PAPPA: variants seen among roughly 807,000 people sequenced by gnomAD.
PAPPA encodes the protein pappalysin 1, also known as pappalysin-1.
PAPPA carries 60 observed loss-of-function variants against 164.0 expected under a neutral mutation model. The ratio of observed to expected loss-of-function variants is 0.37; its 90% CI spans 0.30 to 0.45. The LOEUF (loss-of-function observed/expected upper bound fraction) is 0.45, where lower values mean the gene tolerates loss of function less well. Ranked by LOEUF, PAPPA falls within the 20% of genes least tolerant of loss-of-function variation. The pLI is 1.00. For synonymous variants in PAPPA, 875 were observed against 814.1 expected (o/e 1.07, Z -1.27); for missense variants, 1,782 against 2,087.3 (o/e 0.85, Z 2.85).
chr9:116,363,821 T>C (rs1193341195), intron 18 of PAPPA, among the ~76,000 whole-genome samples: 2 of 152,200 alleles, frequency 1.3e-5, no homozygotes, highest in Non-Finnish European at 2.9e-5. Context: ...TCATGGGGAC[T>C]GTCCATCCTT....
chr9:116,362,596 T>C lies in PAPPA; in HGVS notation c.4352T>C (p.Leu1451Pro), dbSNP rs117752286. The stretch of plus-strand genomic sequence containing the variant: ...CTCTGTTTCTCTGTTGTTCAGGGAC[T>C]TGGGAGCAATGTCATTCATTGCCGG... ...KCEDSDASQGLGSNVIHCRKD... is the reference protein window; with the variant it reads ...KCEDSDASQGPGSNVIHCRKD... Residue 1451 changes from leucine to proline, a missense_variant, in exon 18 of 22, where the codon CTT (leucine) becomes CCT (proline). By Grantham distance (98) the Leu-to-Pro change is moderately conservative. Coordinates refer to ENST00000328252, the MANE Select transcript of PAPPA (RefSeq NM_002581.5). 5,943 of 1,613,494 alleles carry C rather than the reference T, an allele frequency of 3.7e-3. 171 individuals carry two copies. In the South Asian group the frequency reaches 0.044, roughly 12 times the overall value.
In PAPPA at chr9:116,399,357, A is replaced by G. The variant is rs2118749486; in HGVS notation, c.*2741A>G. On this transcript the variant is annotated 3_prime_UTR_variant, in exon 22 of 22. Coordinates refer to ENST00000328252, the MANE Select transcript of PAPPA (RefSeq NM_002581.5). Reference sequence around the variant, plus strand: ...GGTGGCCAACCTCGTGCCCACATGGAAGGTATCTTTAATAGGGTCTTTTCA... The same window carrying G: ...GGTGGCCAACCTCGTGCCCACATGGGAGGTATCTTTAATAGGGTCTTTTCA... 1 of 152,740 alleles carries G rather than the reference A, an allele frequency of 6.5e-6. No homozygotes were observed. Among genetic ancestry groups the G allele is most frequent in the Middle Eastern group, 3.4e-3 (1 of 294 alleles). 9.5% of individuals were successfully genotyped at this position (152,740 alleles called of 1,614,324 possible).
intron 1 of PAPPA, among the ~76,000 whole-genome samples, chr9:116,168,902 ACCATT>A (rs560080331): frequency 4.6e-5 from 7 of 151,996 alleles, no homozygotes; most frequent in Non-Finnish European, 1.0e-4. Context: ...TGGAGCAGAG[ACCATT>A]TTGGTCTTCA....
intron 15 of PAPPA, among the ~76,000 whole-genome samples, chr9:116,348,320 T>C (rs1021373288): frequency 4.6e-5 from 7 of 151,718 alleles, no homozygotes; most frequent in African/African-American, 1.5e-4. Context: ...GCTGCCTTTC[T>C]CTTGAACTTG....
chr9:116,389,433 C>T (rs1846861409), intron 21 of PAPPA, among the ~76,000 whole-genome samples: 1 of 152,000 alleles, frequency 6.6e-6, no homozygotes, highest in South Asian at 2.1e-4. Context: ...ACAGTTCCTT[C>T]CCATTTTACT....
chr9:116,194,191 C>A (rs949614344), intron 2 of PAPPA, among the ~76,000 whole-genome samples: 1 of 152,134 alleles, frequency 6.6e-6, no homozygotes, highest in Non-Finnish European at 1.5e-5. Flanking sequence ...CTGGGCTGGG[C>A]AGTTTGTTAG....
chr9:116,183,019 T>C (rs1843925304), intron 1 of PAPPA, among the ~76,000 whole-genome samples: 1 of 152,206 alleles, frequency 6.6e-6, no homozygotes, highest in Non-Finnish European at 1.5e-5. Flanking sequence ...GAATTGCATG[T>C]GGCCTTCGGT....
At chr9:116,283,787 C>T (rs1460172565) in intron 9 of PAPPA, among the ~76,000 whole-genome samples, 1 of 152,104 alleles carries the variant, frequency 6.6e-6, no homozygotes, top group African/African-American at 2.4e-5. Context: ...TTGAGTTCAG[C>T]CTCATTACCA....
At chr9:116,161,457 C>A (rs1419486848) in intron 1 of PAPPA, among the ~76,000 whole-genome samples, 1 of 152,192 alleles carries the variant, frequency 6.6e-6, no homozygotes, top group African/African-American at 2.4e-5. Context: ...CTCTCTCCTT[C>A]CCTTCACCTT....
At chr9:116,335,999 T>C (rs1335980123) in intron 13 of PAPPA, among the ~76,000 whole-genome samples, 1 of 152,162 alleles carries the variant, frequency 6.6e-6, no homozygotes, top group African/African-American at 2.4e-5. Flanking sequence ...GTAAAGTTCT[T>C]AAAGTTAGAG....
chr9:116,165,997 G>A (rs924050225), intron 1 of PAPPA, among the ~76,000 whole-genome samples: 19 of 152,100 alleles, frequency 1.2e-4, no homozygotes, highest in African/African-American at 4.6e-4. Context: ...CCTATAAAGG[G>A]GCTATATGTA....
At chr9:116,378,480 C>T (rs1846684073) in intron 20 of PAPPA, among the ~76,000 whole-genome samples, 1 of 152,124 alleles carries the variant, frequency 6.6e-6, no homozygotes, top group Non-Finnish European at 1.5e-5. Context: ...CTGAGGCAAA[C>T]GCAGGTGAAA....
chr9:116,356,523 C>A (rs1036515387), intron 17 of PAPPA, among the ~76,000 whole-genome samples: 6 of 152,210 alleles, frequency 3.9e-5, no homozygotes, highest in African/African-American at 1.4e-4. Context: ...TGCAACCTAG[C>A]CCTCTGCTGG....
At chr9:116,300,850 G>A (rs1161356028) in intron 9 of PAPPA, among the ~76,000 whole-genome samples, 1 of 66,578 alleles carries the variant, frequency 1.5e-5, no homozygotes, top group Non-Finnish European at 6.6e-5. Context: ...TAAAAGAAGA[G>A]TATTTTTTTT....
rs374194239 is a variant in PAPPA, at chr9:116,254,150, T to G, written c.2733-11707T>G. 3.9e-5 allele frequency among the ~76,000 whole-genome samples: 6 copies of G among 152,286 alleles called. No homozygotes were observed. In the South Asian group the frequency reaches 1.2e-3, roughly 32 times the overall value. ...CTCTGTGCTCCTACAGCCCCTACAT[T>G]TTTTAGGCTGTTTTAAAGCCTCAAT... On this transcript the variant is annotated intron_variant, in intron 7 of 21. Transcript: ENST00000328252.
intron 5 of PAPPA, among the ~76,000 whole-genome samples, chr9:116,221,661 CT>C (rs1844447553): frequency 6.6e-6 from 1 of 151,872 alleles, no homozygotes; most frequent in Non-Finnish European, 1.5e-5. Flanking sequence ...CTCGTATGTG[CT>C]TTCATTAAGT....
At chr9:116,182,465 T>C (rs1843918335) in intron 1 of PAPPA, among the ~76,000 whole-genome samples, 3 of 152,128 alleles carry the variant, frequency 2.0e-5, no homozygotes, top group Admixed American at 2.0e-4. Flanking sequence ...GGGAGGAGTA[T>C]GATGAATATA....
intron 9 of PAPPA, among the ~76,000 whole-genome samples, chr9:116,289,353 A>AGC (rs1845402792): frequency 7.7e-6 from 1 of 130,536 alleles, no homozygotes; most frequent in African/African-American, 2.9e-5. Context: ...TATGGCATAT[A>AGC]TATGGCATAT....
intron 8 of PAPPA, among the ~76,000 whole-genome samples, chr9:116,269,163 C>T (rs1845109088): frequency 6.6e-6 from 1 of 152,164 alleles, no homozygotes; most frequent in Non-Finnish European, 1.5e-5. Context: ...TTATTGTCTC[C>T]TTGAGTTCTC....
Sources: gnomAD v4.1 joint callset for allele counts (sites outside exome capture counted in the v4.1 genomes callset) on GRCh38, gnomAD v4.1.1 for gene constraint, MANE v1.5 for transcripts, NCBI Gene and HGNC (gene_info 2026-07-23, HGNC 2026-07-21) for gene names.